The following MIPOL1 variants were observed in gnomAD, a reference collection of about 807,000 sequenced individuals.
MIPOL1 encodes mirror-image polydactyly 1, also known as mirror-image polydactyly gene 1 protein.
In MIPOL1, 57 loss-of-function variants were observed where a neutral mutation model predicts 60.9. The ratio of observed to expected loss-of-function variants is 0.94; its 90% confidence interval spans 0.76 to 1.17. The LOEUF is 1.17. MIPOL1 is among the 50% of genes most tolerant of loss of function. The probability of loss-of-function intolerance (pLI) is 0.00; values close to 1 mark genes in which losing one functional copy is unlikely to be tolerated. For missense variants in MIPOL1, 551 were observed against 511.6 expected (o/e 1.08, Z -0.74); for synonymous variants, 179 against 168.8 (o/e 1.06, Z -0.47).
chr14:37,270,581 A>ATG (rs2083222706), intron 6 of MIPOL1, 56 bp downstream of exon 6: 1 of 886,498 alleles, frequency 1.1e-6, no homozygotes, highest in Non-Finnish European at 1.7e-6. Context: ...AGGTTATTAT[A>ATG]TGATGTATCT....
chr14:37,387,256 A>C (rs183045443), intron 10 of MIPOL1, among the ~76,000 whole-genome samples: 1 of 152,032 alleles, frequency 6.6e-6, no homozygotes, highest in African/African-American at 2.4e-5. Flanking sequence ...GAAAGTGGTA[A>C]ATTTATTTTA....
At chr14:37,446,695 C>T (rs886552252) in intron 11 of MIPOL1, among the ~76,000 whole-genome samples, 8 of 152,196 alleles carry the variant, frequency 5.3e-5, no homozygotes, top group Middle Eastern at 3.4e-3. Flanking sequence ...CAATGATAGA[C>T]TGGATTAAGA....
chr14:37,350,795 T>A (rs1002027418), intron 9 of MIPOL1, among the ~76,000 whole-genome samples: 2 of 152,162 alleles, frequency 1.3e-5, no homozygotes, highest in Non-Finnish European at 2.9e-5. Flanking sequence ...ATTGTTTTGA[T>A]TTTTAGATCC....
chr14:37,241,862 ACT>A (rs946108681), intron 1 of MIPOL1, among the ~76,000 whole-genome samples: 2 of 152,048 alleles, frequency 1.3e-5, no homozygotes, highest in Non-Finnish European at 2.9e-5. Context: ...ATTCTCAGAA[ACT>A]CTTTCTTACA....
At chr14:37,381,761 T>TA (rs916559287) in intron 10 of MIPOL1, among the ~76,000 whole-genome samples, 27 of 151,598 alleles carry the variant, frequency 1.8e-4, no homozygotes, top group Admixed American at 1.3e-3. Flanking sequence ...TTTTTTTTTT[T>TA]TTATTTTTAG....
In MIPOL1 at chr14:37,391,243, A is replaced by C. The variant is rs567957890; in HGVS notation, c.936+21619A>C. 2.6e-5 allele frequency among the ~76,000 whole-genome samples: 4 copies of C among 152,312 alleles called. No individual in the cohort carries two copies. In the South Asian group the frequency reaches 8.3e-4, roughly 32 times the overall value. On this transcript the variant is annotated intron_variant, in intron 10 of 12. Transcript: ENST00000684589. ...CAAACAAACTCCAAGAGAATTAGTC[A>C]CATGCAGATGTGAATTGAAAAACAT...
In MIPOL1 at chr14:37,433,845, C is replaced by T. The variant is rs553569641; in HGVS notation, c.1031+10896C>T. Among the ~76,000 whole-genome samples the T allele has an allele frequency of 1.5e-3, 227 of 152,206 alleles. 2 individuals are homozygous for T. The highest frequency in any genetic ancestry group is 0.01 in the Middle Eastern group (3 of 292). On this transcript the variant is annotated intron_variant, in intron 11 of 12. Coordinates refer to ENST00000684589, the MANE Select transcript of MIPOL1 (RefSeq NM_001388067.1). Reference sequence around the variant, plus strand: ...TGCCAGGATTACAGGCATGAGCCACCGCACCCGACCCTGAACTCACTCTTC... The same window carrying T: ...TGCCAGGATTACAGGCATGAGCCACTGCACCCGACCCTGAACTCACTCTTC...
intron 7 of MIPOL1, among the ~76,000 whole-genome samples, chr14:37,289,828 C>T (rs148189057): frequency 1.3e-5 from 2 of 152,124 alleles, no homozygotes; most frequent in African/African-American, 2.4e-5. Context: ...ATCATGCAAC[C>T]CTCTTCATGA....
intron 9 of MIPOL1, among the ~76,000 whole-genome samples, chr14:37,325,607 TG>T (rs2089080811): frequency 6.6e-6 from 1 of 152,004 alleles, no homozygotes; most frequent in Non-Finnish European, 1.5e-5. Flanking sequence ...TTATTCTCTC[TG>T]TTTTTTCTAA....
intron 11 of MIPOL1, among the ~76,000 whole-genome samples, chr14:37,438,300 G>A (rs1025397814): frequency 2.6e-5 from 4 of 152,144 alleles, no homozygotes; most frequent in Non-Finnish European, 5.9e-5. Context: ...AGAAAATACA[G>A]ATATAATTTT....
chr14:37,366,259 A>T (rs2092466847), intron 9 of MIPOL1, among the ~76,000 whole-genome samples: 1 of 149,158 alleles, frequency 6.7e-6, no homozygotes, highest in Non-Finnish European at 1.5e-5. Flanking sequence ...TGTTTGTTTG[A>T]GTTTTTCTTC....
In MIPOL1 at chr14:37,494,133, A is replaced by G. The variant is rs541865334; in HGVS notation, c.1032-5775A>G. 7.2e-5 allele frequency among the ~76,000 whole-genome samples: 11 copies of G among 152,282 alleles called. No individual in the cohort carries two copies. In the East Asian group the frequency reaches 1.9e-3, roughly 27 times the overall value. On this transcript the variant is annotated intron_variant, in intron 11 of 12. Coordinates refer to ENST00000684589, the MANE Select transcript of MIPOL1 (RefSeq NM_001388067.1). ...GCTTGGAATATAGCTCTCCTGCTTC[A>G]CCTTTATTCCTATTGGAAAATTCCT...
chr14:37,526,756 G>C (rs2095450240), intron 12 of MIPOL1, among the ~76,000 whole-genome samples: 1 of 151,986 alleles, frequency 6.6e-6, no homozygotes, highest in South Asian at 2.1e-4. Context: ...TTTTTGTGTA[G>C]TTCTTTCGAT....
intron 11 of MIPOL1, among the ~76,000 whole-genome samples, chr14:37,463,285 AC>A (rs1179094058): frequency 1.3e-5 from 2 of 151,856 alleles, no homozygotes; most frequent in Non-Finnish European, 2.9e-5. Context: ...GGAAAGACCC[AC>A]CCCCGTAACT....
At chr14:37,302,850 G>A (rs1226937610) in intron 7 of MIPOL1, among the ~76,000 whole-genome samples, 3 of 151,572 alleles carry the variant, frequency 2.0e-5, no homozygotes, top group South Asian at 4.2e-4. Flanking sequence ...TTGAAATCAG[G>A]TGTAGTCTTC....
chr14:37,462,575 T>C (rs1232972182), intron 11 of MIPOL1, among the ~76,000 whole-genome samples: 1 of 152,220 alleles, frequency 6.6e-6, no homozygotes, highest in Non-Finnish European at 1.5e-5. Flanking sequence ...TAAACTTTTA[T>C]GCTCTGTTTC....
chr14:37,222,145 T>C (rs1366105701), intron 1 of MIPOL1, among the ~76,000 whole-genome samples: 1 of 151,876 alleles, frequency 6.6e-6, no homozygotes, highest in Non-Finnish European at 1.5e-5. Context: ...ACATTACTGT[T>C]ACAAAACAGA....
chr14:37,392,210 G>A (rs925885066), intron 10 of MIPOL1, among the ~76,000 whole-genome samples: 27 of 147,808 alleles, frequency 1.8e-4, no homozygotes, highest in African/African-American at 6.0e-4. Flanking sequence ...AACAGTGTAT[G>A]TGTCTCCAGT....
chr14:37,541,328 C>T (rs149431111), intron 12 of MIPOL1, among the ~76,000 whole-genome samples: 3 of 152,310 alleles, frequency 2.0e-5, no homozygotes, highest in Admixed American at 2.0e-4. Flanking sequence ...TCCCCTCAGT[C>T]TGGAGTCTGG....
Sources: gnomAD v4.1 joint callset for allele counts (sites outside exome capture counted in the v4.1 genomes callset) on GRCh38, gnomAD v4.1.1 for gene constraint, MANE v1.5 for transcripts, NCBI Gene and HGNC (gene_info 2026-07-23, HGNC 2026-07-21) for gene names.